NUP210: variants seen among roughly 807,000 people sequenced by gnomAD.
NUP210 encodes the protein nuclear pore membrane glycoprotein 210.
Under a neutral mutation model 196.0 loss-of-function variants are expected in NUP210, and 151 were observed. The ratio of observed to expected loss-of-function variants is 0.77; its 90% CI spans 0.67 to 0.88. The LOEUF is 0.88. Among genes scored for constraint, NUP210 ranks in the 40% least tolerant of loss-of-function variants. NUP210 has a pLI of 0.00. For synonymous variants in NUP210, 1,070 were observed against 1,052.7 expected (o/e 1.02, Z -0.32); for missense variants, 2,314 against 2,493.7 (o/e 0.93, Z 1.53).
At chr3:13,361,151 C>G (rs976750190) in intron 14 of NUP210, among the ~76,000 whole-genome samples, 3 of 152,222 alleles carry the variant, frequency 2.0e-5, no homozygotes, top group African/African-American at 7.2e-5. Flanking sequence ...GGTCCATTCC[C>G]TTCCTTCTGA....
Position 13,319,884 on chromosome 3 carries a change from G to A in NUP210, c.5262C>T (p.Pro1754=), listed in dbSNP as rs146771606. Residue 1754 remains proline (P), a synonymous_variant, in exon 37 of 40, where the codon CCC becomes CCT. Coordinates refer to ENST00000254508, the MANE Select transcript of NUP210 (RefSeq NM_024923.4). ...ACAGAGGCCCTTGGCTGCCAGCCGC[G>A]GGGTCCAAGACGCCGACCGTGTATG... ...FITYTVGVLD[P]AAGSQGPLST... 1.7e-4 allele frequency: 280 copies of A among 1,614,066 alleles called. No individual in the cohort carries two copies. The highest frequency in any genetic ancestry group is 2.2e-4 in the Non-Finnish European group (265 of 1,180,032).
chr3:13,349,038 T>C (rs1697868049), intron 20 of NUP210, among the ~76,000 whole-genome samples: 3 of 152,144 alleles, frequency 2.0e-5, no homozygotes, highest in Non-Finnish European at 2.9e-5. Flanking sequence ...TGCAGGACAG[T>C]GTAAGGAGGC....
chr3:13,378,728 C>G (rs1331614861), intron 8 of NUP210, among the ~76,000 whole-genome samples, 184 bp downstream of exon 8: 1 of 152,244 alleles, frequency 6.6e-6, no homozygotes, highest in Admixed American at 6.5e-5. Context: ...TTGGCTCATT[C>G]TACCTATTTC....
In NUP210 at chr3:13,340,330, T is replaced by C. The variant is rs750961784; in HGVS notation, c.3229-32A>G. ...AGAGACACAGGAGAGAAAGGACTAC[T>C]GTGCCCCAAGCCCATGGCGCCAAGC... On this transcript the variant is annotated intron_variant, in intron 23 of 39. Coordinates refer to ENST00000254508, the MANE Select transcript of NUP210 (RefSeq NM_024923.4). The surrounding 1 kb of genome is among the most constrained non-coding windows in gnomAD (Gnocchi z 4.0). 3 of 1,603,486 alleles carry C rather than the reference T, an allele frequency of 1.9e-6. No homozygotes were observed. The highest frequency in any genetic ancestry group is 2.6e-6 in the Non-Finnish European group (3 of 1,171,348).
At chr3:13,371,203 C>T (rs549402958) in intron 13 of NUP210, among the ~76,000 whole-genome samples, 7 of 152,334 alleles carry the variant, frequency 4.6e-5, no homozygotes, top group Admixed American at 2.6e-4. Context: ...GTGTCAGCCA[C>T]GCCCAGATCT....
At chr3:13,346,298 G>A (rs1191547260) in intron 20 of NUP210, among the ~76,000 whole-genome samples, 1 of 152,184 alleles carries the variant, frequency 6.6e-6, no homozygotes, top group Non-Finnish European at 1.5e-5. Flanking sequence ...GTGGCAGAGT[G>A]AGACCCTGCA....
chr3:13,380,173 T>G (rs2124922617), intron 6 of NUP210, among the ~76,000 whole-genome samples: 1 of 152,326 alleles, frequency 6.6e-6, no homozygotes, highest in Non-Finnish European at 1.5e-5. Flanking sequence ...GCTGCCATCC[T>G]CACCAGCTTC....
At chr3:13,355,821 A>G (rs537720137) in intron 16 of NUP210, among the ~76,000 whole-genome samples, 15 of 152,176 alleles carry the variant, frequency 9.9e-5, no homozygotes, top group Admixed American at 2.0e-4. Context: ...CCCAGATGCA[A>G]TCCTGGCTGG....
chr3:13,374,360 A>G (rs993655273), intron 11 of NUP210, among the ~76,000 whole-genome samples: 2 of 152,158 alleles, frequency 1.3e-5, no homozygotes, highest in African/African-American at 2.4e-5. Context: ...ACGTTCACAC[A>G]TATATACTCG....
Position 13,337,895 on chromosome 3 carries a change from A to G in NUP210, c.3494T>C (p.Leu1165Pro), listed in dbSNP as rs764496955. 1 of 1,613,172 alleles carries G rather than the reference A, an allele frequency of 6.2e-7. No homozygotes were observed. The highest frequency in any genetic ancestry group is 2.2e-5 in the East Asian group (1 of 44,874). ...ISQDLVQVEV[L>P]LLRAVRIRAP... Reference sequence around the variant, plus strand: ...GCGGATCCTCACGGCCCTTAGCAGCAGCACCTCCACCTGCACGAGGTCCTG... The same window carrying G: ...GCGGATCCTCACGGCCCTTAGCAGCGGCACCTCCACCTGCACGAGGTCCTG... Residue 1165 changes from leucine (L) to proline (P), a missense_variant, in exon 26 of 40, where the codon CTG becomes CCG. Coordinates refer to ENST00000254508, the MANE Select transcript of NUP210 (RefSeq NM_024923.4).
chr3:13,345,289 A>T (rs1305783696), intron 20 of NUP210: 1 of 937,766 alleles, frequency 1.1e-6, no homozygotes, highest in African/African-American at 1.8e-5. Flanking sequence ...TTCTGGTCCA[A>T]CCACTTCAAT....
rs961958119 is a variant in NUP210 at position 13,390,269 on chromosome 3, T to C, written c.533+942A>G. Among the ~76,000 whole-genome samples, 11 of 152,284 alleles carry C rather than the reference T, an allele frequency of 7.2e-5. 1 individual carries two copies. In the East Asian group the frequency reaches 1.5e-3, roughly 21 times the overall value. Reference sequence around the variant, plus strand: ...TCTCAGGTGAATGAGGGAGACCACTTTTTGGACTAAACTGGCAGATTTTCT... The same window carrying C: ...TCTCAGGTGAATGAGGGAGACCACTCTTTGGACTAAACTGGCAGATTTTCT... On this transcript the variant is annotated intron_variant, in intron 4 of 39. Transcript: ENST00000254508.
intron 25 of NUP210, among the ~76,000 whole-genome samples, chr3:13,339,025 G>A (rs1697346403): frequency 6.6e-6 from 1 of 152,148 alleles, no homozygotes; most frequent in Non-Finnish European, 1.5e-5. Context: ...CTGTGGTCTG[G>A]AATGTCACGC....
chr3:13,398,168 G>A (rs1699725835), intron 2 of NUP210, among the ~76,000 whole-genome samples: 2 of 152,196 alleles, frequency 1.3e-5, no homozygotes, highest in Admixed American at 6.5e-5. Flanking sequence ...GGCCAGGTGT[G>A]GTGGCTCACG....
rs1278312926 is a variant in NUP210, at chr3:13,317,486, A to T, written c.*195T>A. ...CTTGAAAGGAAAAAAACACACATTT[A>T]AAACTCCTACATAAAATGAGCTAAT... On this transcript the variant is annotated 3_prime_UTR_variant, in exon 40 of 40. Coordinates refer to ENST00000254508, the MANE Select transcript of NUP210 (RefSeq NM_024923.4). 1.7e-6 allele frequency: 1 copy of T among 583,864 alleles called. No homozygotes were observed. The highest frequency in any genetic ancestry group is 3.0e-6 in the Non-Finnish European group (1 of 328,058). The allele number at this position is 583,864 out of a possible 1,614,324, so 36.2% of individuals were successfully genotyped here.
In NUP210 at chr3:13,419,001, A is replaced by C. The variant is rs575049802; in HGVS notation, c.167+1059T>G. On this transcript the variant is annotated intron_variant, in intron 1 of 39. Transcript: ENST00000254508. The stretch of plus-strand genomic sequence containing the variant: ...AAGAAAGAAATAGGGCAAATAGTGC[A>C]AGCAACAGAGAAAGCTGGCTGGTCT... Among the ~76,000 whole-genome samples the C allele has an allele frequency of 4.2e-3, 631 of 151,720 alleles. 1 individual carries two copies. Among genetic ancestry groups the C allele is most frequent in the Non-Finnish European group, 7.5e-3 (509 of 67,880 alleles).
At chr3:13,375,707 C>T in intron 10 of NUP210, 66 bp from the exon 11 acceptor site, 2 of 1,541,520 alleles carry the variant, frequency 1.3e-6, no homozygotes, top group Non-Finnish European at 1.8e-6. Flanking sequence ...TTCCCAGTCA[C>T]CGGACCCCCA....
At position 13,322,251 on chromosome 3, in the gene NUP210, G is replaced by C. The variant is rs1696568929; in HGVS notation, c.4857C>G (p.Val1619=). 1 of 1,614,114 alleles carries C rather than the reference G, an allele frequency of 6.2e-7. No individual in the cohort carries two copies. The highest frequency in any genetic ancestry group is 1.1e-5 in the South Asian group (1 of 91,076). Residue 1619 remains valine (V), a synonymous_variant, in exon 35 of 40, where the codon GTC becomes GTG. Transcript: ENST00000254508. Reference sequence around the variant, plus strand: ...ACACATCTTGAGATGGGAAATCAAAGACGGCCGGCTTGAACTGGGACTGGC... The same window carrying C: ...ACACATCTTGAGATGGGAAATCAAACACGGCCGGCTTGAACTGGGACTGGC... ...ISCQSQFKPA[V]FDFPSQDVFT...
At chr3:13,346,753 T>C (rs1026640718) in intron 20 of NUP210, among the ~76,000 whole-genome samples, 1 of 152,180 alleles carries the variant, frequency 6.6e-6, no homozygotes, top group African/African-American at 2.4e-5. Flanking sequence ...TGAATGTCAC[T>C]GGAGTCATCG....
Sources: gnomAD v4.1 joint callset for allele counts (sites outside exome capture counted in the v4.1 genomes callset) on GRCh38, gnomAD v4.1.1 for gene constraint, Gnocchi (gnomAD v3.1) non-coding constraint, MANE v1.5 for transcripts, NCBI Gene and HGNC (gene_info 2026-07-23, HGNC 2026-07-21) for gene names.